Variants in TMPRSS15 observed in about 807,000 individuals in gnomAD.
TMPRSS15 encodes enteropeptidase.
In TMPRSS15, 128 loss-of-function variants were observed where a neutral mutation model predicts 125.3. That is an observed-to-expected ratio of 1.02 (90% CI 0.89 to 1.18). TMPRSS15 has a LOEUF of 1.18. Among genes scored for constraint, TMPRSS15 ranks in the 50% most tolerant of loss-of-function variants. The probability of loss-of-function intolerance (pLI) is 0.00; values close to 1 mark genes in which losing one functional copy is unlikely to be tolerated. For missense variants in TMPRSS15, 1,283 were observed against 1,212.7 expected (o/e 1.06, Z -0.86); for synonymous variants, 446 against 423.2 (o/e 1.05, Z -0.66).
At chr21:18,482,950 T>G (rs534466469) in intron 1 of TMPRSS15, among the ~76,000 whole-genome samples, 6 of 151,982 alleles carry the variant, frequency 3.9e-5, no homozygotes, top group African/African-American at 1.4e-4. Context: ...TTATAACCTC[T>G]TTGTCTCTTT....
intron 3 of TMPRSS15, among the ~76,000 whole-genome samples, chr21:18,389,571 T>C (rs1045143689): frequency 6.6e-6 from 1 of 152,182 alleles, no homozygotes; most frequent in Non-Finnish European, 1.5e-5. Context: ...AAAGATTATT[T>C]ACTAAATATC....
intron 22 of TMPRSS15, among the ~76,000 whole-genome samples, chr21:18,280,660 C>T (rs1054196439): frequency 2.6e-5 from 4 of 151,798 alleles, no homozygotes; most frequent in African/African-American, 9.7e-5. Flanking sequence ...ACTTTCCCCA[C>T]AGAACATGTG....
At chr21:18,314,280 T>C (rs367744941) in intron 17 of TMPRSS15, among the ~76,000 whole-genome samples, 4 of 152,124 alleles carry the variant, frequency 2.6e-5, no homozygotes, top group East Asian at 1.9e-4. Context: ...TATAGCCGAT[T>C]ATTTTTTTCT....
chr21:18,276,061 TTCC>T (rs1311155007), intron 23 of TMPRSS15, among the ~76,000 whole-genome samples: 2 of 152,214 alleles, frequency 1.3e-5, no homozygotes, highest in African/African-American at 4.8e-5. Context: ...TTCTATTTTG[TTCC>T]TCAAGAGAGG....
chr21:18,370,454 A>G (rs2075781721), intron 6 of TMPRSS15, among the ~76,000 whole-genome samples: 1 of 152,116 alleles, frequency 6.6e-6, no homozygotes, highest in Admixed American at 6.6e-5. Flanking sequence ...GTTGACATAC[A>G]CTATTGTTTT....
At position 18,313,091 on chromosome 21, in the gene TMPRSS15, G is replaced by C. The variant is rs780771531; in HGVS notation, c.2033-14C>G. 18 of 1,585,166 alleles carry C rather than the reference G, an allele frequency of 1.1e-5. No individual in the cohort carries two copies. The Middle Eastern group carries it at 6.7e-4, about 59-fold the overall frequency. Reference sequence around the variant, plus strand: ...TGAAAAAACGCACTAAAGACACAGAGAGCATAATGGTAGTTACCAGAGACT... The same window carrying C: ...TGAAAAAACGCACTAAAGACACAGACAGCATAATGGTAGTTACCAGAGACT... On this transcript the variant is annotated splice_polypyrimidine_tract_variant and intron_variant, in intron 17 of 24. Transcript: ENST00000284885.
chr21:18,389,213 AAAAG>A (rs1272179437), intron 3 of TMPRSS15, among the ~76,000 whole-genome samples: 1 of 151,690 alleles, frequency 6.6e-6, no homozygotes, highest in African/African-American at 2.4e-5. Flanking sequence ...AGAAAAGAAA[AAAAG>A]AAAGGAGGGA....
At chr21:18,473,681 T>C (rs1056579547) in intron 1 of TMPRSS15, among the ~76,000 whole-genome samples, 8 of 152,122 alleles carry the variant, frequency 5.3e-5, no homozygotes, top group Non-Finnish European at 1.0e-4. Flanking sequence ...TATTTTTTTC[T>C]AAAAGAGAAG....
chr21:18,332,061 G>A, intron 14 of TMPRSS15, 23 bp downstream of exon 14: 2 of 1,593,914 alleles, frequency 1.3e-6, no homozygotes, highest in Non-Finnish European at 1.7e-6. Flanking sequence ...TGTTTCTGAT[G>A]ACCTGGAAAA....
intron 21 of TMPRSS15, among the ~76,000 whole-genome samples, chr21:18,292,123 C>T (rs1424386848): frequency 1.3e-5 from 2 of 152,174 alleles, no homozygotes; most frequent in South Asian, 2.1e-4. Context: ...GATAATTATG[C>T]TTTGATGTAC....
chr21:18,316,171 A>G (rs1191777222), intron 16 of TMPRSS15, among the ~76,000 whole-genome samples: 3 of 152,196 alleles, frequency 2.0e-5, no homozygotes, highest in Non-Finnish European at 4.4e-5. Context: ...TAGCTTTAGA[A>G]GAGTGTGGAT....
intron 1 of TMPRSS15, among the ~76,000 whole-genome samples, chr21:18,483,807 C>T (rs1451828219): frequency 1.3e-5 from 2 of 151,806 alleles, no homozygotes; most frequent in African/African-American, 4.8e-5. Context: ...TATGAATTTT[C>T]ACAAGGTTAC....
In TMPRSS15 at chr21:18,377,181, C is replaced by A. The variant is rs2075852991; in HGVS notation, c.532+2102G>T. 2.0e-5 allele frequency among the ~76,000 whole-genome samples: 3 copies of A among 152,100 alleles called. No homozygotes were observed. In the South Asian group the frequency reaches 6.2e-4, roughly 31 times the overall value. ...AATATGATATTTCACCACCTACTTACCTTATAATAATAGTTTGAGAATTGA... is the reference window on the plus strand; with the variant it reads ...AATATGATATTTCACCACCTACTTAACTTATAATAATAGTTTGAGAATTGA... On this transcript the variant is annotated intron_variant, in intron 5 of 24. Transcript: ENST00000284885.
At position 18,315,181 on chromosome 21, in the gene TMPRSS15, A is replaced by G. The variant is rs146029374; in HGVS notation, c.1997T>C (p.Leu666Pro). The part of the protein sequence containing the change: ...VPLVNLCDGH[L>P]HCEDGSDEAD... Reference sequence around the variant, plus strand: ...TTCATCTGAGCCATCCTCACAGTGCAGATGACCGTCACAGAGATTCACCAG... The same window carrying G: ...TTCATCTGAGCCATCCTCACAGTGCGGATGACCGTCACAGAGATTCACCAG... The change falls in exon 17 of 25, where the codon CTG becomes CCG. Residue 666 changes from leucine to proline, a missense_variant. Leu to Pro is a moderately conservative substitution (Grantham distance 98). Coordinates refer to ENST00000284885, the MANE Select transcript of TMPRSS15 (RefSeq NM_002772.3). 5.1e-4 allele frequency: 826 copies of G among 1,613,894 alleles called. 6 individuals are homozygous for G. The African/African-American group carries it at 9.1e-3, about 18-fold the overall frequency.
chr21:18,369,695 T>C (rs924597044), intron 6 of TMPRSS15, among the ~76,000 whole-genome samples: 2 of 151,532 alleles, frequency 1.3e-5, no homozygotes, highest in Non-Finnish European at 2.9e-5. Context: ...ATTGGAAAAA[T>C]TCTCTTAAAT....
chr21:18,424,878 G>T (rs1214583468), intron 1 of TMPRSS15, among the ~76,000 whole-genome samples: 1 of 148,666 alleles, frequency 6.7e-6, no homozygotes, highest in Non-Finnish European at 1.5e-5. Context: ...AGAATTAAGA[G>T]AATATATGTA....
chr21:18,332,107 T>G lies in TMPRSS15; in HGVS notation c.1631A>C (p.Asn544Thr). The change falls in exon 14 of 25, where the codon AAC (asparagine) becomes ACC (threonine). Residue 544 changes from asparagine (N) to threonine (T), a missense_variant. Physicochemically the swap from Asn to Thr is moderately conservative, Grantham distance 65. Transcript: ENST00000284885. ...NTTFSSTNFPNSYPNLAFCVW... is the reference protein window; with the variant it reads ...NTTFSSTNFPTSYPNLAFCVW... The stretch of plus-strand genomic sequence containing the variant: ...ACAGAAAGCCAGATTAGGGTAGCTG[T>G]TTGGAAAGTTCGTAGAACTGAATGT... 6.2e-7 allele frequency: 1 copy of G among 1,614,038 alleles called. No individual in the cohort carries two copies. The highest frequency in any genetic ancestry group is 8.5e-7 in the Non-Finnish European group (1 of 1,179,956).
intron 1 of TMPRSS15, among the ~76,000 whole-genome samples, chr21:18,448,811 T>G (rs1464795380): frequency 1.3e-5 from 2 of 152,200 alleles, no homozygotes; most frequent in Non-Finnish European, 2.9e-5. Flanking sequence ...GATGAGCTAT[T>G]ATATATTGCT....
At chr21:18,293,692 C>T (rs975340662) in intron 21 of TMPRSS15, among the ~76,000 whole-genome samples, 1 of 152,080 alleles carries the variant, frequency 6.6e-6, no homozygotes, top group African/African-American at 2.4e-5. Flanking sequence ...TTATCTTGTC[C>T]TATTATAGTA....
Sources: gnomAD v4.1 joint callset for allele counts (sites outside exome capture counted in the v4.1 genomes callset) on GRCh38, gnomAD v4.1.1 for gene constraint, MANE v1.5 for transcripts, NCBI Gene and HGNC (gene_info 2026-07-23, HGNC 2026-07-21) for gene names.